Variants in SEL1L3 observed in about 807,000 individuals in gnomAD.
The protein encoded by SEL1L3 is protein sel-1 homolog 3.
SEL1L3 carries 76 observed loss-of-function variants against 142.8 expected under a neutral mutation model. That is an observed-to-expected ratio of 0.53 (90% CI 0.44 to 0.64). The LOEUF (loss-of-function observed/expected upper bound fraction) is 0.64. Ranked by LOEUF, SEL1L3 falls within the 30% of genes least tolerant of loss-of-function variation. The pLI, the probability that SEL1L3 is intolerant of heterozygous loss-of-function variation, is 0.00. For synonymous variants in SEL1L3, 504 were observed against 519.6 expected, an observed-to-expected ratio of 0.97 and a Z score of 0.41; for missense variants, 1,262 against 1,381.7, an observed-to-expected ratio of 0.91 and a Z score of 1.37.
Position 25,784,271 on chromosome 4 carries a change from T to C in SEL1L3, c.2237A>G (p.Asn746Ser). ...CATCAGCTCTAAGGCAAGCCGTCTG[T>C]TCTTTTTTACTCCTTGACCCTAAAC... ...VLFKGQGVKK[N>S]RRLALELMKK... The change falls in exon 14 of 24, where the codon AAC (asparagine) becomes AGC (serine). Residue 746 changes from asparagine to serine, a missense_variant. By Grantham distance (46) the Asn-to-Ser change is conservative. This residue lies in a region of SEL1L3 where 435 missense variants were observed against 559.2 expected (regional missense o/e 0.78). Transcript: ENST00000399878. 6.2e-7 allele frequency: 1 copy of C among 1,613,770 alleles called. No homozygotes were observed. The highest frequency in any genetic ancestry group is 1.3e-5 in the African/African-American group (1 of 75,024).
chr4:25,787,031 C>A lies in SEL1L3; in HGVS notation c.2217+1193G>T, dbSNP rs950501711. On this transcript the variant is annotated intron_variant, in intron 13 of 23. Coordinates refer to ENST00000399878, the MANE Select transcript of SEL1L3 (RefSeq NM_015187.5). The stretch of plus-strand genomic sequence containing the variant: ...GGACATAAGTCCACGAATTTCCTTA[C>A]CAAAGCCAAAGCTTTTTACTTTTCC... Among the ~76,000 whole-genome samples the A allele has an allele frequency of 4.6e-5, 7 of 152,318 alleles. No homozygotes were observed. The South Asian group carries it at 1.5e-3, about 32-fold the overall frequency.
chr4:25,739,535 T>C, the SEL1L3 span, among the ~76,000 whole-genome samples: 8 of 151,946 alleles, frequency 5.3e-5, no homozygotes, highest in Admixed American at 5.2e-4. Context: ...TGAAATCCCA[T>C]CGCTACTAAA....
intron 1 of SEL1L3, among the ~76,000 whole-genome samples, chr4:25,852,179 T>G (rs1311675656): frequency 6.6e-6 from 1 of 152,088 alleles, no homozygotes; most frequent in African/African-American, 2.4e-5. Context: ...GACAAGCCAG[T>G]CTACTCTCTT....
chr4:25,732,255 A>C, the SEL1L3 span, among the ~76,000 whole-genome samples: 12 of 152,354 alleles, frequency 7.9e-5, no homozygotes, highest in Admixed American at 7.2e-4. Context: ...GCATCCATTT[A>C]AACTTGAATT....
intron 9 of SEL1L3, among the ~76,000 whole-genome samples, chr4:25,810,690 T>C (rs1467319614): frequency 2.0e-5 from 3 of 152,170 alleles, no homozygotes; most frequent in Non-Finnish European, 4.4e-5. Context: ...TCCGGAGTCC[T>C]GAACGTGGGG....
At chr4:25,830,326 A>T (rs1429129413) in intron 5 of SEL1L3, among the ~76,000 whole-genome samples, 170 bp from the exon 6 acceptor site, 1 of 152,252 alleles carries the variant, frequency 6.6e-6, no homozygotes, top group Admixed American at 6.5e-5. Flanking sequence ...TTAAGATTTC[A>T]TACATTTAAC....
upstream of SEL1L3, chr4:25,863,431 C>A (rs1394099155): frequency 4.3e-6 from 3 of 700,446 alleles, no homozygotes; most frequent in Non-Finnish European, 7.8e-6. Context: ...CTCTCCCACC[C>A]ACCCCTTTTG....
intron 2 of SEL1L3, among the ~76,000 whole-genome samples, chr4:25,846,495 G>A (rs1398443381): frequency 6.6e-6 from 1 of 152,184 alleles, no homozygotes; most frequent in Non-Finnish European, 1.5e-5. Flanking sequence ...TACAGAGATA[G>A]AAAGTGGCAG....
At chr4:25,790,024 C>T (rs896337480) in intron 12 of SEL1L3, among the ~76,000 whole-genome samples, 3 of 152,218 alleles carry the variant, frequency 2.0e-5, no homozygotes, top group Non-Finnish European at 4.4e-5. Flanking sequence ...TTCCCCTGCA[C>T]CCCAGGGTGC....
intron 17 of SEL1L3, among the ~76,000 whole-genome samples, chr4:25,771,248 A>T (rs532811261): frequency 8.5e-5 from 13 of 152,366 alleles, no homozygotes; most frequent in African/African-American, 3.1e-4. Flanking sequence ...TAGAAAGTCA[A>T]CCAGAGCTTC....
chr4:25,776,598 G>A, intron 16 of SEL1L3: 2 of 449,590 alleles, frequency 4.4e-6, no homozygotes, highest in African/African-American at 2.0e-5. Context: ...AGACATGTAA[G>A]ATACATAATG....
At position 25,829,658 on chromosome 4, in the gene SEL1L3, A is replaced by G. The variant is rs146518049; in HGVS notation, c.1157+440T>C. 1.4e-4 allele frequency among the ~76,000 whole-genome samples: 22 copies of G among 152,374 alleles called. No homozygotes were observed. In the East Asian group the frequency reaches 4.2e-3, roughly 29 times the overall value. ...AAGATGAAAAGTGACACCAATATCAATAGTTGCATACATTTCAAATCCAGA... is the reference window on the plus strand; with the variant it reads ...AAGATGAAAAGTGACACCAATATCAGTAGTTGCATACATTTCAAATCCAGA... On this transcript the variant is annotated intron_variant, in intron 6 of 23. Coordinates refer to ENST00000399878, the MANE Select transcript of SEL1L3 (RefSeq NM_015187.5).
the SEL1L3 span, chr4:25,720,716 G>C: frequency 3.3e-5 from 5 of 152,334 alleles, no homozygotes; most frequent in East Asian, 9.7e-4. Context: ...TTGAGCCGTA[G>C]AGCCCATCAG....
the SEL1L3 span, among the ~76,000 whole-genome samples, chr4:25,727,311 C>T: frequency 5.3e-5 from 8 of 152,108 alleles, no homozygotes; most frequent in East Asian, 5.8e-4. Context: ...CTTGGCCTCC[C>T]GAAGTGTTGG....
chr4:25,727,198 C>A, the SEL1L3 span, among the ~76,000 whole-genome samples: 6 of 151,132 alleles, frequency 4.0e-5, no homozygotes, highest in African/African-American at 1.2e-4. Context: ...GACTACAGGC[C>A]TGTGCCACTA....
intron 17 of SEL1L3, among the ~76,000 whole-genome samples, chr4:25,768,462 A>G (rs1050735804): frequency 6.6e-6 from 1 of 152,222 alleles, no homozygotes; most frequent in Non-Finnish European, 1.5e-5. Flanking sequence ...GGGGGAATGG[A>G]CATACTCTAC....
At chr4:25,832,229 G>A (rs535703282) in intron 5 of SEL1L3, among the ~76,000 whole-genome samples, 2 of 152,292 alleles carry the variant, frequency 1.3e-5, no homozygotes, top group East Asian at 1.9e-4. Flanking sequence ...ACCAAGGGAA[G>A]ACTGTGCATC....
the SEL1L3 span, among the ~76,000 whole-genome samples, chr4:25,724,226 C>T: frequency 0.25 from 38,096 of 151,796 alleles, 6,907 homozygotes; most frequent in African/African-American, 0.52. Flanking sequence ...CGAGACTAGC[C>T]TGGGCAACAT....
chr4:25,857,116 T>C (rs1050571580), intron 1 of SEL1L3, among the ~76,000 whole-genome samples: 2 of 152,204 alleles, frequency 1.3e-5, no homozygotes, highest in African/African-American at 4.8e-5. Flanking sequence ...AAGGTAAGTG[T>C]CTTGCCTTAA....
Sources: gnomAD v4.1 joint callset for allele counts (sites outside exome capture counted in the v4.1 genomes callset) on GRCh38, gnomAD v4.1.1 for gene constraint, gnomAD v4.1.1 regional missense constraint, MANE v1.5 for transcripts, NCBI Gene and HGNC (gene_info 2026-07-23, HGNC 2026-07-21) for gene names.